Variants in TAL1 observed in about 807,000 individuals in gnomAD.
TAL1 encodes the protein T-cell acute lymphocytic leukemia protein 1.
TAL1 carries 8 observed loss-of-function variants against 17.9 expected under a neutral mutation model. The observed-to-expected ratio is 0.45, with a 90% confidence interval of 0.26 to 0.81. TAL1 has a LOEUF of 0.81. Ranked by LOEUF, TAL1 falls within the 30% of genes least tolerant of loss-of-function variation. The pLI is 0.17. For missense variants in TAL1, 466 were observed against 486.9 expected (o/e 0.96, Z 0.40); for synonymous variants, 223 against 218.6 (o/e 1.02, Z -0.18).
chr1:47,218,160 A>C, exon 4 of TAL1: 1 of 239,672 alleles, frequency 4.2e-6, no homozygotes, highest in Non-Finnish European at 8.1e-6. Context: ...GCCACAGGCT[A>C]TCTCTCCTCT....
upstream of TAL1, chr1:47,230,186 AATG>A (rs1311115979): frequency 3.9e-5 from 6 of 152,258 alleles, no homozygotes. Context: ...GGAGAATTCT[AATG>A]ATTTGTTACA....
chr1:47,228,634 T>G (rs1643950397), intron 1 of TAL1: 2 of 171,786 alleles, frequency 1.2e-5, no homozygotes, highest in African/African-American at 4.8e-5. Flanking sequence ...CTCAGGCCCT[T>G]AGACCCAGCC....
chr1:47,227,910 C>T (rs1643936856), intron 1 of TAL1: 1 of 152,272 alleles, frequency 6.6e-6, no homozygotes, highest in African/African-American at 2.4e-5. Flanking sequence ...CGTCCTGACA[C>T]ACCGGTGTGA....
At chr1:47,222,042 G>A (rs1346415146) in intron 3 of TAL1, among the ~76,000 whole-genome samples, 1 of 152,268 alleles carries the variant, frequency 6.6e-6, no homozygotes, top group African/African-American at 2.4e-5. Context: ...CTGCAGGGCA[G>A]TTCTACCCTG....
At chr1:47,224,018 A>G (rs775997580) in exon 3 of TAL1, 4 of 1,613,652 alleles carry the variant, frequency 2.5e-6, no homozygotes, top group East Asian at 4.5e-5. Flanking sequence ...AGTAATCTCC[A>G]TCTCATAGGG....
At chr1:47,217,229 A>G in exon 4 of TAL1, 1 of 304,096 alleles carries the variant, frequency 3.3e-6, no homozygotes, top group Admixed American at 5.1e-5. Context: ...AAAAAAAAAA[A>G]AAGTAAAAAT....
chr1:47,222,803 C>T (rs1207730063), intron 3 of TAL1, among the ~76,000 whole-genome samples: 1 of 152,096 alleles, frequency 6.6e-6, no homozygotes, highest in East Asian at 1.9e-4. Flanking sequence ...ATAATGACTG[C>T]CCTACACTCC....
Position 47,220,094 on chromosome 1 carries a change from C to CA in TAL1, c.621dup (p.Ala208CysfsTer20). Reference sequence around the variant, plus strand: ...GTGGGGATCAGCTTGCGGAGCTCGGCAAAGGCCCCGTTCACATTCTGCTGC... The same window carrying CA: ...GTGGGGATCAGCTTGCGGAGCTCGGCAAAAGGCCCCGTTCACATTCTGCTGC... On this transcript the variant is annotated frameshift_variant, in exon 4 of 4. Coordinates refer to ENST00000294339, the Ensembl canonical transcript of TAL1. LOFTEE classifies it high-confidence loss of function. 1 of 1,612,938 alleles carries CA rather than the reference C, an allele frequency of 6.2e-7. No individual in the cohort carries two copies.
exon 4 of TAL1, chr1:47,218,394 C>T (rs2148583291): frequency 4.3e-6 from 1 of 232,726 alleles, no homozygotes; most frequent in East Asian, 6.1e-5. Context: ...AAAGGACTTG[C>T]AGTGGTTATT....
exon 4 of TAL1, chr1:47,219,809 T>G: frequency 6.2e-7 from 1 of 1,608,996 alleles, no homozygotes; most frequent in Non-Finnish European, 8.5e-7. Context: ...TCCGTGTAGC[T>G]GTCCGGGCTG....
At chr1:47,219,842 C>T (rs1478498602) in exon 4 of TAL1, 5 of 1,600,602 alleles carry the variant, frequency 3.1e-6, no homozygotes, top group South Asian at 1.1e-5. Flanking sequence ...AGGGAGCTGC[C>T]GCAGCTGGAG....
At chr1:47,216,551 G>C (rs1305225854) in exon 4 of TAL1, 4 of 231,396 alleles carry the variant, frequency 1.7e-5, no homozygotes, top group Non-Finnish European at 3.4e-5. Context: ...ATGTACACGG[G>C]CAGGGGGCAA....
chr1:47,221,120 G>A (rs940610434), intron 3 of TAL1, among the ~76,000 whole-genome samples: 8 of 152,198 alleles, frequency 5.3e-5, no homozygotes, highest in South Asian at 2.1e-4. Context: ...GCAGTAAGGC[G>A]GGGGGACTTT....
chr1:47,222,470 A>G (rs1351410519), intron 3 of TAL1, among the ~76,000 whole-genome samples: 1 of 152,210 alleles, frequency 6.6e-6, no homozygotes, highest in South Asian at 2.1e-4. Context: ...TCCATGGCAC[A>G]TAGTAGGTGT....
chr1:47,224,598 C>A (rs936655897), intron 2 of TAL1, among the ~76,000 whole-genome samples: 1 of 152,134 alleles, frequency 6.6e-6, no homozygotes, highest in East Asian at 1.9e-4. Context: ...CCCACCTCAC[C>A]CCACCCATAA....
chr1:47,219,094 G>A, exon 4 of TAL1: 2 of 336,108 alleles, frequency 6.0e-6, no homozygotes, highest in South Asian at 9.6e-5. Context: ...GGGCGACTGG[G>A]TTTCCTGACC....
intron 1 of TAL1, chr1:47,226,107 G>T (rs1643907160): frequency 6.0e-6 from 3 of 502,012 alleles, no homozygotes; most frequent in Non-Finnish European, 1.0e-5. Flanking sequence ...GAGAAGGGAG[G>T]GGTGCCTGGG....
chr1:47,220,135 C>A, exon 4 of TAL1: 1 of 1,595,618 alleles, frequency 6.3e-7, no homozygotes, highest in Non-Finnish European at 8.6e-7. Context: ...TCGCTCCCGG[C>A]TGTTGGTGAA....
exon 4 of TAL1, chr1:47,219,998 C>A: frequency 6.2e-7 from 1 of 1,602,782 alleles, no homozygotes; most frequent in Non-Finnish European, 8.5e-7. Context: ...AGCAGCTTGG[C>A]CAAGAAGTTG....
Sources: gnomAD v4.1 joint callset for allele counts (sites outside exome capture counted in the v4.1 genomes callset) on GRCh38, gnomAD v4.1.1 for gene constraint, MANE v1.5 for transcripts, NCBI Gene and HGNC (gene_info 2026-07-23, HGNC 2026-07-21) for gene names.